ZBTB44: variants seen among roughly 807,000 people sequenced by gnomAD.
ZBTB44 encodes the protein zinc finger and BTB domain containing 44.
A neutral mutation model predicts 54.0 loss-of-function variants in ZBTB44; 15 were observed. The ratio of observed to expected loss-of-function variants is 0.28; its 90% CI spans 0.19 to 0.43. The LOEUF (loss-of-function observed/expected upper bound fraction) is 0.43. Ranked by LOEUF, ZBTB44 falls within the 20% of genes least tolerant of loss-of-function variation. The probability of loss-of-function intolerance (pLI) is 1.00; values close to 1 mark genes in which losing one functional copy is unlikely to be tolerated. For missense variants in ZBTB44, 487 were observed against 707.1 expected, an observed-to-expected ratio of 0.69 and a Z score of 3.53; for synonymous variants, 230 against 250.1, an observed-to-expected ratio of 0.92 and a Z score of 0.76.
intron 1 of ZBTB44, among the ~76,000 whole-genome samples, chr11:130,289,954 G>C (rs1020985255): frequency 6.6e-6 from 1 of 152,180 alleles, no homozygotes; most frequent in Non-Finnish European, 1.5e-5. Flanking sequence ...TCTGGTCAAT[G>C]ACAGGACCAG....
intron 1 of ZBTB44, among the ~76,000 whole-genome samples, chr11:130,295,060 A>G (rs1001817256): frequency 6.6e-6 from 1 of 151,994 alleles, no homozygotes; most frequent in African/African-American, 2.4e-5. Context: ...TGATCTAGGC[A>G]CTTCTTGGAC....
intron 1 of ZBTB44, among the ~76,000 whole-genome samples, chr11:130,307,072 A>C (rs986727239): frequency 3.1e-5 from 4 of 129,620 alleles, no homozygotes; most frequent in African/African-American, 9.2e-5. Flanking sequence ...AAGAACAAGC[A>C]AAAAAAAAAA....
intron 1 of ZBTB44, among the ~76,000 whole-genome samples, chr11:130,277,532 G>GT (rs1940193136): frequency 6.7e-6 from 1 of 150,262 alleles, no homozygotes; most frequent in Non-Finnish European, 1.5e-5. Flanking sequence ...ACTTATTTTT[G>GT]TGCTGTTACT....
chr11:130,308,184 T>G (rs1942383137), intron 1 of ZBTB44, among the ~76,000 whole-genome samples: 1 of 152,212 alleles, frequency 6.6e-6, no homozygotes, highest in South Asian at 2.1e-4. Context: ...ATAACCTAGA[T>G]GTAGAGTAGG....
At chr11:130,284,664 C>T (rs1309189445) in intron 1 of ZBTB44, among the ~76,000 whole-genome samples, 3 of 152,042 alleles carry the variant, frequency 2.0e-5, no homozygotes, top group South Asian at 2.1e-4. Context: ...GTCAGGAGTT[C>T]GAGACCAGCC....
intron 1 of ZBTB44, among the ~76,000 whole-genome samples, chr11:130,289,070 T>C (rs1941146351): frequency 6.6e-6 from 1 of 152,004 alleles, no homozygotes; most frequent in Non-Finnish European, 1.5e-5. Context: ...TAAAACAATG[T>C]GATGTGGGAA....
At chr11:130,296,441 G>A (rs1199113302) in intron 1 of ZBTB44, 7 of 1,295,764 alleles carry the variant, frequency 5.4e-6, no homozygotes, top group African/African-American at 3.0e-5. Context: ...ATAAATGTAC[G>A]ACCACATTCT....
intron 1 of ZBTB44, among the ~76,000 whole-genome samples, chr11:130,286,862 T>A (rs190565765): frequency 1.8e-4 from 28 of 152,324 alleles, no homozygotes; most frequent in Admixed American, 1.4e-3. Context: ...GATGAGTCTA[T>A]GTAAAGAGCC....
At chr11:130,249,520 T>C (rs534742944) in intron 2 of ZBTB44, among the ~76,000 whole-genome samples, 73 of 152,290 alleles carry the variant, frequency 4.8e-4, no homozygotes, top group African/African-American at 1.5e-3. Flanking sequence ...GATGGCCGAA[T>C]AGGAACAGCT....
chr11:130,252,130 T>C (rs1333598890), intron 2 of ZBTB44, among the ~76,000 whole-genome samples: 1 of 152,052 alleles, frequency 6.6e-6, no homozygotes, highest in Non-Finnish European at 1.5e-5. Flanking sequence ...GCAATCATAG[T>C]CTCTGATAAA....
At chr11:130,274,063 G>T (rs1939875602) in intron 1 of ZBTB44, among the ~76,000 whole-genome samples, 1 of 151,964 alleles carries the variant, frequency 6.6e-6, no homozygotes, top group South Asian at 2.1e-4. Context: ...ACTCCAATCT[G>T]AGTGACAGAG....
At position 130,230,782 on chromosome 11, in the gene ZBTB44, A is replaced by G. The variant is rs542301876; in HGVS notation, c.*982T>C. On this transcript the variant is annotated 3_prime_UTR_variant, in exon 8 of 8. Transcript: ENST00000357899. ...TTCTGAATGAGATGAAATCACTGACATGTTTGATGCTTCCACTATTAGAAT... is the reference window on the plus strand; with the variant it reads ...TTCTGAATGAGATGAAATCACTGACGTGTTTGATGCTTCCACTATTAGAAT... 4 of 152,226 alleles carry G rather than the reference A, an allele frequency of 2.6e-5. No homozygotes were observed. The East Asian group carries it at 7.7e-4, about 29-fold the overall frequency. 9.4% of individuals were successfully genotyped at this position (152,226 alleles called of 1,614,324 possible).
chr11:130,309,534 C>T (rs1942467375), intron 1 of ZBTB44, among the ~76,000 whole-genome samples: 1 of 152,140 alleles, frequency 6.6e-6, no homozygotes, highest in African/African-American at 2.4e-5. Flanking sequence ...ATCACATATC[C>T]AAATGCCTTT....
chr11:130,267,033 G>C (rs1304181521), intron 1 of ZBTB44, among the ~76,000 whole-genome samples: 1 of 152,198 alleles, frequency 6.6e-6, no homozygotes, highest in Non-Finnish European at 1.5e-5. Flanking sequence ...AGGAGGCTGA[G>C]GTGGGTGGAT....
chr11:130,238,037 A>G (rs541123270), intron 4 of ZBTB44, among the ~76,000 whole-genome samples: 2 of 152,348 alleles, frequency 1.3e-5, no homozygotes, highest in Admixed American at 6.5e-5. Context: ...AAAATATTAC[A>G]TTTTTAAACA....
chr11:130,231,399 G>C lies in ZBTB44; in HGVS notation c.*365C>G, dbSNP rs903435301. The C allele has an allele frequency of 1.3e-5, 2 of 152,118 alleles. No individual in the cohort carries two copies. Among genetic ancestry groups the C allele is most frequent in the African/African-American group, 4.8e-5 (2 of 41,428 alleles). The allele number at this position is 152,118 out of a possible 1,614,324, so 9.4% of individuals were successfully genotyped here. On this transcript the variant is annotated 3_prime_UTR_variant, in exon 8 of 8. Transcript: ENST00000357899. ...GATCTGGGCAGCAGACAACTAACCA[G>C]ATATGCATTTTCACAGTATATTCAG...
Position 130,309,196 on chromosome 11 carries a change from G to A in ZBTB44, c.-57+5179C>T, listed in dbSNP as rs566368521. On this transcript the variant is annotated intron_variant, in intron 1 of 7. Coordinates refer to ENST00000357899, the MANE Select transcript of ZBTB44 (RefSeq NM_001301098.2). ...CAGCTTCTCTCTTGCTGATCTGCCC[G>A]TTGCACCCTTGCAACCAACCTACTT... 3.3e-5 allele frequency among the ~76,000 whole-genome samples: 5 copies of A among 152,286 alleles called. No homozygotes were observed. In the South Asian group the frequency reaches 6.2e-4, roughly 19 times the overall value.
chr11:130,287,223 C>T (rs1941021172), intron 1 of ZBTB44, among the ~76,000 whole-genome samples: 1 of 152,170 alleles, frequency 6.6e-6, no homozygotes, highest in South Asian at 2.1e-4. Context: ...CCATCCCTCA[C>T]CTCCCATCAA....
chr11:130,236,288 G>C (rs1252084215), intron 5 of ZBTB44: 7 of 1,252,574 alleles, frequency 5.6e-6, no homozygotes, highest in Non-Finnish European at 7.2e-6. Context: ...AATGAAAATA[G>C]CAATGACTTC....
Sources: gnomAD v4.1 joint callset for allele counts (sites outside exome capture counted in the v4.1 genomes callset) on GRCh38, gnomAD v4.1.1 for gene constraint, MANE v1.5 for transcripts, NCBI Gene and HGNC (gene_info 2026-07-23, HGNC 2026-07-21) for gene names.